RXRA: variants seen among roughly 807,000 people sequenced by gnomAD.
RXRA encodes retinoic acid receptor RXR-alpha.
RXRA carries 5 observed loss-of-function variants against 44.5 expected under a neutral mutation model. The observed-to-expected ratio is 0.11, with a 90% CI of 0.06 to 0.24. The LOEUF is 0.24. RXRA is among the 10% of genes least tolerant of loss of function. The probability of loss-of-function intolerance (pLI) is 1.00; values close to 1 mark genes in which losing one functional copy is unlikely to be tolerated. For missense variants in RXRA, 412 were observed against 646.5 expected, an observed-to-expected ratio of 0.64 and a Z score of 3.93; for synonymous variants, 291 against 271.4, an observed-to-expected ratio of 1.07 and a Z score of -0.71.
intron 8 of RXRA, among the ~76,000 whole-genome samples, chr9:134,432,906 C>A (rs1440319868): frequency 6.6e-6 from 1 of 152,128 alleles, no homozygotes. Context: ...GGAGCCAAGT[C>A]CTGAGGGGTT....
Position 134,336,553 on chromosome 9 carries a change from G to T in RXRA, c.28+9894G>T, listed in dbSNP as rs116714184. ...AGTGTGCCGCTGTGCCCCTGTGGCC[G>T]GCCGGAGCCTTGGTGGATGTCGCTG... On this transcript the variant is annotated intron_variant, in intron 1 of 9. Transcript: ENST00000481739. Among the ~76,000 whole-genome samples the T allele has an allele frequency of 9.1e-3, 1,392 of 152,278 alleles. 22 individuals are homozygous for T. The highest frequency in any genetic ancestry group is 0.028 in the African/African-American group (1,166 of 41,558).
At chr9:134,372,791 G>A (rs1030730798) in intron 1 of RXRA, among the ~76,000 whole-genome samples, 3 of 152,228 alleles carry the variant, frequency 2.0e-5, no homozygotes, top group African/African-American at 7.2e-5. Flanking sequence ...TGGGGCAGGC[G>A]AGTCCTGGCT....
intron 1 of RXRA, among the ~76,000 whole-genome samples, chr9:134,346,832 T>C (rs1830159076): frequency 6.6e-6 from 1 of 152,156 alleles, no homozygotes; most frequent in African/African-American, 2.4e-5. Context: ...GAGGAGCCCT[T>C]GTCGGGACAG....
chr9:134,378,200 A>C (rs569854374), intron 1 of RXRA, among the ~76,000 whole-genome samples: 2 of 152,304 alleles, frequency 1.3e-5, no homozygotes, highest in East Asian at 3.9e-4. Context: ...GTGCCAGGCC[A>C]CCCCGGCTGC....
intron 1 of RXRA, among the ~76,000 whole-genome samples, chr9:134,361,860 C>T (rs1018946816): frequency 1.3e-5 from 2 of 152,202 alleles, no homozygotes; most frequent in African/African-American, 4.8e-5. Flanking sequence ...GTAGGGGTTT[C>T]AGTGCTGGTC....
rs761885700 is a variant in RXRA at position 134,401,698 on chromosome 9, C to T, written c.95C>T (p.Ser32Leu). The change falls in exon 2 of 10, where the codon TCG becomes TTG. Residue 32 changes from serine (S) to leucine (L), a missense_variant. By Grantham distance (145) the Ser-to-Leu change is moderately radical. Coordinates refer to ENST00000481739, the MANE Select transcript of RXRA (RefSeq NM_002957.6). ...GGGCGAGGCTCCATGGCTGCCCCCT[C>T]GCTGCACCCGTCCCTGGGGCCTGGC... is the stretch of plus-strand genomic sequence containing the variant. The part of the protein sequence containing the change: ...PTGRGSMAAP[S>L]LHPSLGPGIG... The T allele has an allele frequency of 2.4e-5, 39 of 1,613,090 alleles. No homozygotes were observed. Among genetic ancestry groups the T allele is most frequent in the African/African-American group, 5.3e-5 (4 of 75,034 alleles).
chr9:134,329,235 A>G (rs1231824335), intron 1 of RXRA, among the ~76,000 whole-genome samples: 1 of 152,218 alleles, frequency 6.6e-6, no homozygotes, highest in Non-Finnish European at 1.5e-5. Flanking sequence ...TGGTAACATC[A>G]GAGCCCTTGG....
At chr9:134,408,008 T>G (rs896063176) in intron 2 of RXRA, 141 bp from the exon 3 acceptor site, 182 of 518,604 alleles carry the variant, frequency 3.5e-4, no homozygotes, top group Middle Eastern at 1.9e-3. Context: ...GCGTGGCGGG[T>G]GGGGGGCACG....
Position 134,375,224 on chromosome 9 carries a change from G to A in RXRA, c.29-26408G>A, listed in dbSNP as rs184427594. On this transcript the variant is annotated intron_variant, in intron 1 of 9. Transcript: ENST00000481739. ...GGCTAGAGGCGAGAGAGCCTGACAT[G>A]TTCCTGGAATGACCCAAGGCTGGGG... 6.5e-4 allele frequency among the ~76,000 whole-genome samples: 99 copies of A among 152,332 alleles called. 1 individual carries two copies. The highest frequency in any genetic ancestry group is 2.3e-3 in the African/African-American group (96 of 41,562).
chr9:134,423,504 C>T (rs1320559563), intron 6 of RXRA: 1 of 985,348 alleles, frequency 1.0e-6, no homozygotes, highest in Non-Finnish European at 1.2e-6. Flanking sequence ...TGTGACCACA[C>T]AGGCTGTGTG....
At chr9:134,368,496 CAA>C (rs1272544533) in intron 1 of RXRA, among the ~76,000 whole-genome samples, 2 of 152,172 alleles carry the variant, frequency 1.3e-5, no homozygotes, top group African/African-American at 4.8e-5. Flanking sequence ...TGGCTTTGAG[CAA>C]AAAGTCATGT....
At chr9:134,326,795 G>T (rs1406099262) in intron 1 of RXRA, 136 bp downstream of exon 1, 2 of 180,388 alleles carry the variant, frequency 1.1e-5, no homozygotes, top group African/African-American at 5.0e-5. Flanking sequence ...GCCGACCTTC[G>T]CGTGAGTTCG....
At chr9:134,333,720 C>G (rs1244827312) in intron 1 of RXRA, among the ~76,000 whole-genome samples, 1 of 152,176 alleles carries the variant, frequency 6.6e-6, no homozygotes, top group Non-Finnish European at 1.5e-5. Context: ...CTGTAATTGA[C>G]CAATTTAGCT....
At chr9:134,335,510 T>C (rs1829985999) in intron 1 of RXRA, among the ~76,000 whole-genome samples, 1 of 152,020 alleles carries the variant, frequency 6.6e-6, no homozygotes, top group African/African-American at 2.4e-5. Context: ...CCCTGGAGGG[T>C]TTCTGAGGGT....
chr9:134,328,650 C>G (rs1171901296), intron 1 of RXRA, among the ~76,000 whole-genome samples: 1 of 152,168 alleles, frequency 6.6e-6, no homozygotes, highest in Admixed American at 6.5e-5. Flanking sequence ...TCCATTTAAG[C>G]GGCTACTTTT....
intron 1 of RXRA, among the ~76,000 whole-genome samples, chr9:134,347,763 C>G (rs1438030688): frequency 6.6e-6 from 1 of 152,146 alleles, no homozygotes; most frequent in African/African-American, 2.4e-5. Flanking sequence ...GGCTCACTGG[C>G]AGGGGCTGGG....
chr9:134,363,826 C>T (rs539697694), intron 1 of RXRA, among the ~76,000 whole-genome samples: 14 of 152,290 alleles, frequency 9.2e-5, no homozygotes, highest in Non-Finnish European at 1.6e-4. Flanking sequence ...GGGCCGGAGG[C>T]GTGACGTGGG....
chr9:134,376,045 G>T (rs1403321298), intron 1 of RXRA, among the ~76,000 whole-genome samples: 3 of 150,704 alleles, frequency 2.0e-5, no homozygotes, highest in Non-Finnish European at 4.4e-5. Flanking sequence ...GACAAGCCTT[G>T]CTATTTATTA....
rs768035002 is a variant in RXRA at position 134,431,983 on chromosome 9, C to T, written c.1122C>T (p.Val374=). Residue 374 remains valine (V), a synonymous_variant, in exon 8 of 10, where the codon GTC becomes GTT. Transcript: ENST00000481739. The part of the protein sequence containing the change: ...KTELGCLRAI[V]LFNPDSKGLS... ...AGCTGGGCTGCCTGCGCGCCATCGTCCTCTTTAACCCTGGTATGGCCTTCC... is the reference window on the plus strand; with the variant it reads ...AGCTGGGCTGCCTGCGCGCCATCGTTCTCTTTAACCCTGGTATGGCCTTCC... 7 of 1,613,480 alleles carry T rather than the reference C, an allele frequency of 4.3e-6. No individual in the cohort carries two copies. The highest frequency in any genetic ancestry group is 3.3e-5 in the Admixed American group (2 of 59,996).
Sources: gnomAD v4.1 joint callset for allele counts (sites outside exome capture counted in the v4.1 genomes callset) on GRCh38, gnomAD v4.1.1 for gene constraint, MANE v1.5 for transcripts, NCBI Gene and HGNC (gene_info 2026-07-23, HGNC 2026-07-21) for gene names.